AP5B1: variants seen among roughly 807,000 people sequenced by gnomAD.
AP5B1 encodes the protein adaptor related protein complex 5 subunit beta 1.
In AP5B1, 3 loss-of-function variants were observed where a neutral mutation model predicts 5.7. That is an observed-to-expected ratio of 0.53 (90% CI 0.24 to 1.36). AP5B1 has a LOEUF of 1.36. Ranked by LOEUF, AP5B1 falls within the 40% of genes most tolerant of loss-of-function variation. The pLI is 0.17. For missense variants in AP5B1, 1,310 were observed against 1,143.2 expected (o/e 1.15, Z -2.10); for synonymous variants, 696 against 555.5 (o/e 1.25, Z -3.56).
Position 65,780,166 on chromosome 11 carries a change from C to T in AP5B1, c.327G>A (p.Ala109=). 6.8e-7 allele frequency: 1 copy of T among 1,477,370 alleles called. No homozygotes were observed. The highest frequency in any genetic ancestry group is 8.9e-7 in the Non-Finnish European group (1 of 1,118,938). 91.5% of individuals were successfully genotyped at this position (1,477,370 alleles called of 1,614,324 possible). ...AGGAGGCGCCCGAGGTGGGGCCCAG[C>T]GCGCCGCCCGCCGCCAGGGCAGTGG... ...AATTALAAGG[A]LGPTSGASCR... is the part of the protein sequence containing the mutation. The change falls in exon 2 of 2, where the codon GCG becomes GCA. Residue 109 remains alanine (A), a synonymous_variant. Coordinates refer to ENST00000532090, the MANE Select transcript of AP5B1 (RefSeq NM_138368.5).
chr11:65,777,854 G>T lies in AP5B1; in HGVS notation c.*2C>A, dbSNP rs1857783871. 6.6e-7 allele frequency: 1 copy of T among 1,519,004 alleles called. No homozygotes were observed. Among genetic ancestry groups the T allele is most frequent in the Non-Finnish European group, 8.8e-7 (1 of 1,130,148 alleles). The allele number at this position is 1,519,004 out of a possible 1,614,324, so 94.1% of individuals were successfully genotyped here. On this transcript the variant is annotated 3_prime_UTR_variant, in exon 2 of 2. Coordinates refer to ENST00000532090, the MANE Select transcript of AP5B1 (RefSeq NM_138368.5). ...TCCTGCCCCCACCTGGTCTCCCGGG[G>T]CTCAGACAGCAGCCGCCAGCCCACG... is the stretch of plus-strand genomic sequence containing the variant.
rs769076520 is a variant in AP5B1, at chr11:65,779,161, C to G, written c.1332G>C (p.Leu444=). The G allele has an allele frequency of 6.2e-7, 1 of 1,611,536 alleles. No individual in the cohort carries two copies. The highest frequency in any genetic ancestry group is 1.1e-5 in the South Asian group (1 of 90,844). Residue 444 remains leucine (L), a synonymous_variant, in exon 2 of 2, where the codon CTG becomes CTC. Transcript: ENST00000532090. ...LPSPRHYLEE[L]LAGLRQRAAL... ...CTGCCCGCTGCCGCAAGCCAGCCAG[C>G]AGCTCTTCCAGGTAGTGCCGTGGGC...
rs200142638 is a variant in AP5B1 at position 65,777,906 on chromosome 11, C to T, written c.2587G>A (p.Val863Met). Residue 863 changes from valine to methionine, a missense_variant, in exon 2 of 2, where the codon GTG becomes ATG. Coordinates refer to ENST00000532090, the MANE Select transcript of AP5B1 (RefSeq NM_138368.5). The stretch of plus-strand genomic sequence containing the variant: ...AGGTAGTCCCCCGCCAGGGGCAGCA[C>T]GGCCCAGTCATCGGTCCGCAGGGCC... ...PVALRTDDWA[V>M]LPLAGDYLRG... The T allele has an allele frequency of 9.3e-4, 1,450 of 1,552,888 alleles. 1 individual carries two copies. Among genetic ancestry groups the T allele is most frequent in the Non-Finnish European group, 1.2e-3 (1,373 of 1,148,446 alleles).
At position 65,778,863 on chromosome 11, in the gene AP5B1, G is replaced by C. The variant is rs761544530; in HGVS notation, c.1630C>G (p.Leu544Val). The change falls in exon 2 of 2, where the codon CTG becomes GTG. Residue 544 changes from leucine to valine, a missense_variant. Physicochemically the swap from Leu to Val is conservative, Grantham distance 32. Coordinates refer to ENST00000532090, the MANE Select transcript of AP5B1 (RefSeq NM_138368.5). ...GCATCTCCATCTGCCACCTTTGCCA[G>C]CATTTGCAGGTGCCAGCAAAGAGCT... ...DEALCWHLQMLAKVADGDAQS... is the reference protein window; with the variant it reads ...DEALCWHLQMVAKVADGDAQS... 2.5e-6 allele frequency: 4 copies of C among 1,609,144 alleles called. No individual in the cohort carries two copies. The African/African-American group carries it at 5.3e-5, about 21-fold the overall frequency.
chr11:65,779,445 G>A lies in AP5B1; in HGVS notation c.1048C>T (p.Arg350Trp). ...TAQDEALLLR[R>W]LTLAAQHPAL... Reference sequence around the variant, plus strand: ...GGGTGCTGGGCAGCCAAGGTGAGCCGGCGGAGCAGCAACGCTTCATCCTGG... The same window carrying A: ...GGGTGCTGGGCAGCCAAGGTGAGCCAGCGGAGCAGCAACGCTTCATCCTGG... The change falls in exon 2 of 2, where the codon CGG becomes TGG. Residue 350 changes from arginine (R) to tryptophan (W), a missense_variant. Transcript: ENST00000532090. 1.9e-6 allele frequency: 3 copies of A among 1,607,092 alleles called. No individual in the cohort carries two copies. The highest frequency in any genetic ancestry group is 1.1e-5 in the South Asian group (1 of 90,298).
chr11:65,778,612 C>T lies in AP5B1; in HGVS notation c.1881G>A (p.Leu627=), dbSNP rs1171326190. Residue 627 remains leucine (L), a synonymous_variant, in exon 2 of 2, where the codon TTG becomes TTA. Transcript: ENST00000532090. ...CAAGCGAGGGGCCCAGGGCCACCCC[C>T]AACTTGGGTGCTGCCAGGTGTGCCA... ...ILLAHLAAPK[L]GVALGPSLAA... 4.4e-6 allele frequency: 7 copies of T among 1,595,272 alleles called. No individual in the cohort carries two copies. The East Asian group carries it at 1.1e-4, about 26-fold the overall frequency.
Position 65,774,742 on chromosome 11 carries a change from G to C in AP5B1, c.*3114C>G, listed in dbSNP as rs1313080384. ...CCTTCACATTTCATTAGCCAGAGCT[G>C]GGCTTGTGGCCAGACCTGCCTTGAA... On this transcript the variant is annotated 3_prime_UTR_variant, in exon 2 of 2. Coordinates refer to ENST00000532090, the MANE Select transcript of AP5B1 (RefSeq NM_138368.5). 3.3e-5 allele frequency among the ~76,000 whole-genome samples: 5 copies of C among 152,192 alleles called. No individual in the cohort carries two copies. Among genetic ancestry groups the C allele is most frequent in the African/African-American group, 1.2e-4 (5 of 41,440 alleles).
Position 65,773,991 on chromosome 11 carries a change from C to T in AP5B1, c.*3865G>A, listed in dbSNP as rs1217938676. 6.6e-6 allele frequency among the ~76,000 whole-genome samples: 1 copy of T among 152,144 alleles called. No homozygotes were observed. Among genetic ancestry groups the T allele is most frequent in the Non-Finnish European group, 1.5e-5 (1 of 68,034 alleles). Reference sequence around the variant, plus strand: ...TGACTTAACCCTTGCTTGGCATGGCCTTAGGTCCTGTTTACAATTTGGTAT... The same window carrying T: ...TGACTTAACCCTTGCTTGGCATGGCTTTAGGTCCTGTTTACAATTTGGTAT... On this transcript the variant is annotated 3_prime_UTR_variant, in exon 2 of 2. Transcript: ENST00000532090.
Position 65,780,196 on chromosome 11 carries a change from C to G in AP5B1, c.297G>C (p.Ala99=), listed in dbSNP as rs568152063. The part of the protein sequence containing the change: ...PSALRRPLLL[A]ATTALAAGGA... Reference sequence around the variant, plus strand: ...CGCCCGCCGCCAGGGCAGTGGTGGCCGCCAGCAGCAGTGGCCGACGGAGAG... The same window carrying G: ...CGCCCGCCGCCAGGGCAGTGGTGGCGGCCAGCAGCAGTGGCCGACGGAGAG... Residue 99 remains alanine (A), a synonymous_variant, in exon 2 of 2, where the codon GCG becomes GCC. Transcript: ENST00000532090. 3 of 1,498,272 alleles carry G rather than the reference C, an allele frequency of 2.0e-6. No homozygotes were observed. Among genetic ancestry groups the G allele is most frequent in the East Asian group, 2.6e-5 (1 of 38,188 alleles). 92.8% of individuals were successfully genotyped at this position (1,498,272 alleles called of 1,614,324 possible).
chr11:65,775,993 T>A lies in AP5B1; in HGVS notation c.*1863A>T, dbSNP rs185222534. ...GCAACTTCTGCCTCCCAGGTTCAAG[T>A]AATTCTCCTGCCTCAGCCTCCCAAG... On this transcript the variant is annotated 3_prime_UTR_variant, in exon 2 of 2. Coordinates refer to ENST00000532090, the MANE Select transcript of AP5B1 (RefSeq NM_138368.5). 1 of 152,082 alleles carries A rather than the reference T, an allele frequency of 6.6e-6. No individual in the cohort carries two copies. The highest frequency in any genetic ancestry group is 2.4e-5 in the African/African-American group (1 of 41,396). 9.4% of individuals were successfully genotyped at this position (152,082 alleles called of 1,614,324 possible).
In AP5B1 at chr11:65,780,090, G is replaced by C; in HGVS notation, c.403C>G (p.Arg135Gly). 1 of 1,524,702 alleles carries C rather than the reference G, an allele frequency of 6.6e-7. No homozygotes were observed. Among genetic ancestry groups the C allele is most frequent in the Non-Finnish European group, 8.8e-7 (1 of 1,135,148 alleles). The allele number at this position is 1,524,702 out of a possible 1,614,324, so 94.4% of individuals were successfully genotyped here. Residue 135 changes from arginine (R) to glycine (G), a missense_variant, in exon 2 of 2, where the codon CGA becomes GGA. Physicochemically the swap from Arg to Gly is moderately radical, Grantham distance 125 (BLOSUM62 -2). Coordinates refer to ENST00000532090, the MANE Select transcript of AP5B1 (RefSeq NM_138368.5). The part of the protein sequence containing the change: ...LGLAAGSDLG[R>G]GFVPASEQRP... ...TGTTCCGAGGCGGGGACAAAGCCTCGCCCCAGATCGCTACCCGCGGCCAGG... is the reference window on the plus strand; with the variant it reads ...TGTTCCGAGGCGGGGACAAAGCCTCCCCCCAGATCGCTACCCGCGGCCAGG...
At position 65,774,702 on chromosome 11, in the gene AP5B1, C is replaced by T. The variant is rs1229503250; in HGVS notation, c.*3154G>A. The stretch of plus-strand genomic sequence containing the variant: ...GGGATTACAGGTGTGAGCCACCGCC[C>T]CCGGCCCTTGACTCCCTTCACATTT... On this transcript the variant is annotated 3_prime_UTR_variant, in exon 2 of 2. Coordinates refer to ENST00000532090, the MANE Select transcript of AP5B1 (RefSeq NM_138368.5). Among the ~76,000 whole-genome samples, 1 of 152,240 alleles carries T rather than the reference C, an allele frequency of 6.6e-6. No individual in the cohort carries two copies. Among genetic ancestry groups the T allele is most frequent in the African/African-American group, 2.4e-5 (1 of 41,464 alleles).
In AP5B1 at chr11:65,780,848, T is replaced by C; in HGVS notation, c.-257A>G. The C allele has an allele frequency of 4.4e-5, 11 of 252,484 alleles. No homozygotes were observed. The highest frequency in any genetic ancestry group is 1.1e-4 in the Admixed American group (2 of 18,004). 15.6% of individuals were successfully genotyped at this position (252,484 alleles called of 1,614,324 possible). A position where few individuals can be genotyped will look rare whatever the true frequency, so the allele number is the denominator to read the frequency against. ...CGTGCCGAGAGCTCGTTAGGCCGCC[T>C]CCCTCCCGCCCGCGGCCCGCACCGA... is the stretch of plus-strand genomic sequence containing the variant. On this transcript the variant is annotated 5_prime_UTR_variant, in exon 1 of 2. Coordinates refer to ENST00000532090, the MANE Select transcript of AP5B1 (RefSeq NM_138368.5).
Position 65,778,416 on chromosome 11 carries a change from G to T in AP5B1, c.2077C>A (p.Leu693Met). The stretch of plus-strand genomic sequence containing the variant: ...CCTTCCACACGGAAGCGCAGCTCCA[G>T]AGAGTAGATGGGCTCCAGCGCCTCC... ...QPEALEPIYSLELRFRVEGQL... is the reference protein window; with the variant it reads ...QPEALEPIYSMELRFRVEGQL... The change falls in exon 2 of 2, where the codon CTG (leucine) becomes ATG (methionine). Residue 693 changes from leucine to methionine, a missense_variant. Transcript: ENST00000532090. The T allele has an allele frequency of 6.3e-7, 1 of 1,586,422 alleles. No homozygotes were observed. The highest frequency in any genetic ancestry group is 1.3e-5 in the African/African-American group (1 of 74,552).
Position 65,779,932 on chromosome 11 carries a change from C to G in AP5B1, c.561G>C (p.Leu187=). 6.3e-7 allele frequency: 1 copy of G among 1,591,558 alleles called. No homozygotes were observed. Among genetic ancestry groups the G allele is most frequent in the South Asian group, 1.1e-5 (1 of 88,546 alleles). The change falls in exon 2 of 2, where the codon CTG becomes CTC. Residue 187 remains leucine (L), a synonymous_variant. Transcript: ENST00000532090. ...TGTTGCGCAAAGCGAGGGCCAGCAA[C>G]AGGCTGAGTGGCTGGACAGGGCCTT... is the stretch of plus-strand genomic sequence containing the variant. ...GQEGPVQPLS[L]LLALALRNTL... is the part of the protein sequence containing the mutation.
chr11:65,776,891 G>A lies in AP5B1; in HGVS notation c.*965C>T, dbSNP rs542256175. On this transcript the variant is annotated 3_prime_UTR_variant, in exon 2 of 2. Transcript: ENST00000532090. ...ACCAGTAATCCCAACACTTTGGTGA[G>A]GCTGAGGCAGAAGAGTCATTTAAGC... 1.3e-5 allele frequency: 2 copies of A among 152,336 alleles called. No homozygotes were observed. The highest frequency in any genetic ancestry group is 1.3e-4 in the Admixed American group (2 of 15,302). 9.4% of individuals were successfully genotyped at this position (152,336 alleles called of 1,614,324 possible).
Position 65,778,554 on chromosome 11 carries a change from C to T in AP5B1, c.1939G>A (p.Glu647Lys), listed in dbSNP as rs902410315. Residue 647 changes from glutamate (E) to lysine (K), a missense_variant, in exon 2 of 2, where the codon GAG becomes AAG. Glu to Lys is a moderately conservative substitution (Grantham distance 56). Transcript: ENST00000532090. Reference protein sequence around the residue: ...APALASSLVAENQGFVAALMV... With the variant: ...APALASSLVAKNQGFVAALMV... The stretch of plus-strand genomic sequence containing the variant: ...AGTGCTGCCACAAAGCCCTGGTTCT[C>T]GGCCACCAGTGAAGAGGCCAGTGCA... The T allele has an allele frequency of 5.1e-6, 8 of 1,581,982 alleles. No individual in the cohort carries two copies. Among genetic ancestry groups the T allele is most frequent in the East Asian group, 2.3e-5 (1 of 43,372 alleles).
chr11:65,780,504 C>G lies in AP5B1; in HGVS notation c.88G>C (p.Glu30Gln), dbSNP rs935603721. 1 of 1,520,452 alleles carries G rather than the reference C, an allele frequency of 6.6e-7. No homozygotes were observed. Among genetic ancestry groups the G allele is most frequent in the African/African-American group, 1.4e-5 (1 of 71,056 alleles). The allele number at this position is 1,520,452 out of a possible 1,614,324, so 94.2% of individuals were successfully genotyped here. ...PSAFMAGPEG[E>Q]DLGRDLLSDL... Reference sequence around the variant, plus strand: ...CTCAGCAGGTCGCGACCCAAATCCTCCCCCTCGGGACCTGCCATGAAGGCA... The same window carrying G: ...CTCAGCAGGTCGCGACCCAAATCCTGCCCCTCGGGACCTGCCATGAAGGCA... Residue 30 changes from glutamate (E) to glutamine (Q), a missense_variant, in exon 1 of 2, where the codon GAG (glutamate) becomes CAG (glutamine). Physicochemically the swap from Glu to Gln is conservative, Grantham distance 29 (BLOSUM62 2). Coordinates refer to ENST00000532090, the MANE Select transcript of AP5B1 (RefSeq NM_138368.5).
At position 65,779,662 on chromosome 11, in the gene AP5B1, G is replaced by A. The variant is rs142051081; in HGVS notation, c.831C>T (p.Thr277=). ...GGGCCACAGGAGTGAGCAGATAGGA[G>A]GTGTCCAGAAGCTGGATCACCGCAG... The part of the protein sequence containing the change: ...LRAAVIQLLD[T]SYLLTPVAQA... Residue 277 remains threonine, a synonymous_variant, in exon 2 of 2, where the codon ACC becomes ACT. Coordinates refer to ENST00000532090, the MANE Select transcript of AP5B1 (RefSeq NM_138368.5). 1.4e-3 allele frequency: 2,311 copies of A among 1,612,182 alleles called. 55 individuals carry two copies. In the East Asian group the frequency reaches 0.041, roughly 28 times the overall value.
Sources: allele counts gnomAD v4.1 joint callset (sites outside exome capture counted in the v4.1 genomes callset), GRCh38; gene constraint gnomAD v4.1.1; transcripts MANE v1.5; gene names NCBI Gene and HGNC (gene_info 2026-07-23, HGNC 2026-07-21).